TMEM178B: variants seen among roughly 807,000 people sequenced by gnomAD.
TMEM178B encodes the protein transmembrane protein 178B.
A neutral mutation model predicts 31.0 loss-of-function variants in TMEM178B; 5 were observed. That is an observed-to-expected ratio of 0.16 (90% confidence interval 0.08 to 0.34). The LOEUF (loss-of-function observed/expected upper bound fraction) is 0.34. Among genes scored for constraint, TMEM178B ranks in the 10% least tolerant of loss-of-function variants. The probability of loss-of-function intolerance (pLI) is 1.00; values close to 1 mark genes in which losing one functional copy is unlikely to be tolerated. For synonymous variants in TMEM178B, 164 were observed against 164.0 expected (o/e 1.00, Z 0.00); for missense variants, 275 against 400.3 (o/e 0.69, Z 2.67).
At chr7:141,290,512 T>C (rs1798526866) in intron 2 of TMEM178B, among the ~76,000 whole-genome samples, 2 of 151,160 alleles carry the variant, frequency 1.3e-5, no homozygotes, top group Non-Finnish European at 3.0e-5. Flanking sequence ...AAATGTACAT[T>C]CCTCCTTCAC....
chr7:141,287,903 G>C (rs1205979862), intron 2 of TMEM178B, among the ~76,000 whole-genome samples: 1 of 152,186 alleles, frequency 6.6e-6, no homozygotes, highest in Non-Finnish European at 1.5e-5. Flanking sequence ...CAAACTAAGA[G>C]TTTTGCCTTC....
chr7:141,151,821 G>A (rs368689008), intron 1 of TMEM178B, among the ~76,000 whole-genome samples: 1 of 152,164 alleles, frequency 6.6e-6, no homozygotes, highest in African/African-American at 2.4e-5. Context: ...CCACATGTAG[G>A]GGGTGTGAGT....
chr7:141,366,862 C>G (rs1800014567), intron 2 of TMEM178B, among the ~76,000 whole-genome samples: 1 of 152,060 alleles, frequency 6.6e-6, no homozygotes, highest in Non-Finnish European at 1.5e-5. Context: ...CTCTCCGGCC[C>G]ACAGTATACC....
intron 1 of TMEM178B, among the ~76,000 whole-genome samples, chr7:141,093,133 T>G (rs1406902490): frequency 6.6e-6 from 1 of 152,096 alleles, no homozygotes; most frequent in African/African-American, 2.4e-5. Context: ...AAGGATCCCT[T>G]GGGTAGCTGA....
intron 2 of TMEM178B, among the ~76,000 whole-genome samples, chr7:141,388,950 C>A (rs1427628756): frequency 6.6e-6 from 1 of 152,192 alleles, no homozygotes; most frequent in Non-Finnish European, 1.5e-5. Flanking sequence ...CTGGGACAGT[C>A]CAAAAGCTCA....
At chr7:141,357,192 T>C (rs887195828) in intron 2 of TMEM178B, among the ~76,000 whole-genome samples, 1 of 152,226 alleles carries the variant, frequency 6.6e-6, no homozygotes, top group African/African-American at 2.4e-5. Context: ...AGCTCTTCTC[T>C]TTTAGGAGCC....
Position 141,191,158 on chromosome 7 carries a change from G to C in TMEM178B, c.383-21433G>C, listed in dbSNP as rs1299722330. Among the ~76,000 whole-genome samples, 3 of 152,236 alleles carry C rather than the reference G, an allele frequency of 2.0e-5. No homozygotes were observed. The East Asian group carries it at 5.8e-4, about 29-fold the overall frequency. On this transcript the variant is annotated intron_variant, in intron 1 of 3. Transcript: ENST00000565468. ...ATTACACCTTGCTTATTTTCATTTA[G>C]TTTATCTGGTAAGGCTTTCCATATC...
chr7:141,343,009 AG>A (rs1799545369), intron 2 of TMEM178B, among the ~76,000 whole-genome samples: 2 of 152,216 alleles, frequency 1.3e-5, no homozygotes, highest in African/African-American at 4.8e-5. Context: ...CGGATGGCTC[AG>A]GAGAGAGAAA....
intron 2 of TMEM178B, among the ~76,000 whole-genome samples, chr7:141,295,679 A>C (rs1334616761): frequency 6.6e-6 from 1 of 152,176 alleles, no homozygotes; most frequent in Non-Finnish European, 1.5e-5. Flanking sequence ...CAGGGGGCCA[A>C]TTCCTCTGCT....
At chr7:141,426,167 A>G (rs958451655) in intron 2 of TMEM178B, among the ~76,000 whole-genome samples, 2 of 152,196 alleles carry the variant, frequency 1.3e-5, no homozygotes, top group African/African-American at 4.8e-5. Context: ...AAGTCACTGA[A>G]GTGGATCCGC....
At chr7:141,077,113 A>C (rs1263585413) in intron 1 of TMEM178B, among the ~76,000 whole-genome samples, 1 of 152,252 alleles carries the variant, frequency 6.6e-6, no homozygotes, top group Non-Finnish European at 1.5e-5. Context: ...TTTTACACTT[A>C]GTGTTCCTCT....
intron 2 of TMEM178B, among the ~76,000 whole-genome samples, chr7:141,373,311 C>T (rs987174997): frequency 2.6e-5 from 4 of 152,230 alleles, no homozygotes; most frequent in South Asian, 2.1e-4. Flanking sequence ...ATGTGATCCT[C>T]GGACCCAAAT....
chr7:141,214,699 C>A (rs1333769498), intron 2 of TMEM178B, among the ~76,000 whole-genome samples: 1 of 152,006 alleles, frequency 6.6e-6, no homozygotes, highest in Non-Finnish European at 1.5e-5. Flanking sequence ...AGGATAATGC[C>A]AAGCTTTGTG....
intron 2 of TMEM178B, among the ~76,000 whole-genome samples, chr7:141,429,529 G>A (rs1801384202): frequency 6.6e-6 from 1 of 152,172 alleles, no homozygotes; most frequent in Admixed American, 6.5e-5. Context: ...GTTACCAGAG[G>A]CTGGTGTGGT....
At chr7:141,454,286 A>G (rs753218413) in intron 3 of TMEM178B, among the ~76,000 whole-genome samples, 2 of 152,108 alleles carry the variant, frequency 1.3e-5, no homozygotes, top group East Asian at 1.9e-4. Context: ...TCTAGACCCC[A>G]TGTCATAAAG....
In TMEM178B at chr7:141,215,811, TTTCTTTCTTTCTTTCTTTCTTTC is replaced by T. The variant is rs1410710576; in HGVS notation, c.496+3110_496+3132del. On this transcript the variant is annotated intron_variant, in intron 2 of 3. Coordinates refer to ENST00000565468, the MANE Select transcript of TMEM178B (RefSeq NM_001195278.2). ...CTTTCTTTCTTTCTTTCTTTCTTTC[TTTCTTTCTTTCTTTCTTTCTTTC>T]TTTCTTTTCTTTTCTTTTCTTTCTC... Among the ~76,000 whole-genome samples, 83 of 92,326 alleles carry T rather than the reference TTTCTTTCTTTCTTTCTTTCTTTC, an allele frequency of 9.0e-4. 1 individual carries two copies. Among genetic ancestry groups the T allele is most frequent in the South Asian group, 7.6e-3 (18 of 2,368 alleles). The allele number at this position is 92,326 out of a possible 152,430, so 60.6% of individuals were successfully genotyped here. A position where few individuals can be genotyped will look rare whatever the true frequency, so the allele number is the denominator to read the frequency against.
At chr7:141,430,284 C>T (rs779768987) in intron 2 of TMEM178B, 1 of 152,194 alleles carries the variant, frequency 6.6e-6, no homozygotes, top group Non-Finnish European at 1.5e-5. Flanking sequence ...TTACTCAGCA[C>T]CTTATGTGCT....
chr7:141,098,877 G>A (rs947225486), intron 1 of TMEM178B, among the ~76,000 whole-genome samples: 19 of 152,120 alleles, frequency 1.2e-4, no homozygotes, highest in African/African-American at 4.3e-4. Flanking sequence ...TGATTTCTTT[G>A]GGGCTTTGCC....
chr7:141,169,024 G>C (rs573850186), intron 1 of TMEM178B, among the ~76,000 whole-genome samples: 1 of 152,222 alleles, frequency 6.6e-6, no homozygotes, highest in South Asian at 2.1e-4. Flanking sequence ...TTAAAAATTA[G>C]TTCTTCCTGA....
Sources: allele counts gnomAD v4.1 joint callset (sites outside exome capture counted in the v4.1 genomes callset), GRCh38; gene constraint gnomAD v4.1.1; transcripts MANE v1.5; gene names NCBI Gene and HGNC (gene_info 2026-07-23, HGNC 2026-07-21).